Variants in CUBN observed in about 807,000 individuals in gnomAD.
CUBN encodes 460 kDa receptor.
Under a neutral mutation model 405.3 loss-of-function variants are expected in CUBN, and 282 were observed. That is an observed-to-expected ratio of 0.70 (90% CI 0.63 to 0.77). CUBN has a LOEUF of 0.77. CUBN is among the 30% of genes least tolerant of loss of function. The pLI is 0.00. For missense variants in CUBN, 4,514 were observed against 4,475.2 expected (o/e 1.01, Z -0.25); for synonymous variants, 1,684 against 1,617.0 (o/e 1.04, Z -0.99).
At chr10:16,950,778 T>C (rs1456216314) in intron 33 of CUBN, among the ~76,000 whole-genome samples, 4 of 152,200 alleles carry the variant, frequency 2.6e-5, no homozygotes, top group Admixed American at 6.5e-5. Context: ...TAAGGGAATA[T>C]CTTGTTGGAA....
At chr10:16,825,628 A>AGT (rs377156071) in intron 66 of CUBN, among the ~76,000 whole-genome samples, 38,091 of 135,642 alleles carry the variant, frequency 0.28, 5,590 homozygotes, top group Middle Eastern at 0.4. Context: ...TCTGTGGAAC[A>AGT]GTGTGTGTGT....
chr10:17,001,827 TGGTACACA>T (rs1833895996), intron 28 of CUBN, among the ~76,000 whole-genome samples: 1 of 152,218 alleles, frequency 6.6e-6, no homozygotes, highest in African/African-American at 2.4e-5. Flanking sequence ...TTCATTATTT[TGGTACACA>T]GGGTCAAAAT....
intron 36 of CUBN, among the ~76,000 whole-genome samples, chr10:16,946,736 T>G (rs1842795938): frequency 6.6e-6 from 1 of 152,110 alleles, no homozygotes; most frequent in Non-Finnish European, 1.5e-5. Context: ...TCTCAAGTGA[T>G]CCACCCGCCT....
chr10:16,917,479 A>C (rs1444173070), intron 45 of CUBN, among the ~76,000 whole-genome samples: 1 of 152,186 alleles, frequency 6.6e-6, no homozygotes, highest in Non-Finnish European at 1.5e-5. Flanking sequence ...TACTGTTAGA[A>C]AAGTTATGTA....
chr10:16,974,558 A>G (rs1833036554), intron 31 of CUBN, among the ~76,000 whole-genome samples: 1 of 151,852 alleles, frequency 6.6e-6, no homozygotes, highest in Non-Finnish European at 1.5e-5. Context: ...TTTTTAGTAG[A>G]GACGGGGTTT....
At chr10:16,948,758 G>C in intron 34 of CUBN, 152 bp from the exon 35 acceptor site, 1 of 880,252 alleles carries the variant, frequency 1.1e-6, no homozygotes, top group Non-Finnish European at 1.8e-6. Context: ...GTCAATGTTT[G>C]AGACAATACC....
Position 17,010,478 on chromosome 10 carries a change from T to TA in CUBN, c.4168+9354dup, listed in dbSNP as rs1375525067. 9.7e-3 allele frequency among the ~76,000 whole-genome samples: 1,351 copies of TA among 139,036 alleles called. 16 individuals are homozygous for TA. The highest frequency in any genetic ancestry group is 0.024 in the Admixed American group (326 of 13,862). 91.2% of individuals were successfully genotyped at this position (139,036 alleles called of 152,430 possible). On this transcript the variant is annotated intron_variant, in intron 28 of 66. Coordinates refer to ENST00000377833, the MANE Select transcript of CUBN (RefSeq NM_001081.4). Reference sequence around the variant, plus strand: ...CAACATAGCAAGACCTCAACTCTACTAAAAAAAAAAAAATGCCAGGTGCAG... The same window carrying TA: ...CAACATAGCAAGACCTCAACTCTACTAAAAAAAAAAAAAATGCCAGGTGCAG...
chr10:16,974,436 T>G (rs1452445043), intron 31 of CUBN, among the ~76,000 whole-genome samples: 2 of 152,180 alleles, frequency 1.3e-5, no homozygotes, highest in African/African-American at 4.8e-5. Flanking sequence ...ACTCTTTTTT[T>G]TTTTTGAGAG....
At chr10:17,068,823 G>T in intron 19 of CUBN, 53 bp from the exon 20 acceptor site, 1 of 1,308,920 alleles carries the variant, frequency 7.6e-7, no homozygotes, top group Non-Finnish European at 1.1e-6. Context: ...TTTGAAAACT[G>T]CTTCAAGAAT....
At chr10:17,128,034 A>C in intron 2 of CUBN, 110 bp from the exon 3 acceptor site, 1 of 728,574 alleles carries the variant, frequency 1.4e-6, no homozygotes, top group Admixed American at 2.6e-5. Context: ...AAGCACTAAG[A>C]TCTTGCCTAT....
intron 54 of CUBN, among the ~76,000 whole-genome samples, chr10:16,894,010 T>C (rs1165788768): frequency 6.6e-6 from 1 of 152,184 alleles, no homozygotes; most frequent in Non-Finnish European, 1.5e-5. Context: ...TTCTGGTATT[T>C]ATCATCTGTA....
chr10:17,128,671 T>G (rs1837255257), intron 2 of CUBN, among the ~76,000 whole-genome samples: 1 of 152,160 alleles, frequency 6.6e-6, no homozygotes, highest in Non-Finnish European at 1.5e-5. Context: ...TACCCACTAT[T>G]AACCCCAGGC....
intron 56 of CUBN, among the ~76,000 whole-genome samples, chr10:16,881,230 C>T (rs1297195306): frequency 2.0e-5 from 3 of 152,144 alleles, no homozygotes; most frequent in Admixed American, 1.3e-4. Context: ...GGCTGCTATG[C>T]ATGTGTTAGG....
intron 33 of CUBN, among the ~76,000 whole-genome samples, chr10:16,951,452 T>C (rs1842919235): frequency 6.6e-6 from 1 of 152,214 alleles, no homozygotes; most frequent in African/African-American, 2.4e-5. Context: ...TTAATTACTG[T>C]GCAGAGTGAA....
chr10:17,129,348 C>T (rs1588663064), intron 1 of CUBN, 98 bp from the exon 2 acceptor site: 5 of 1,365,158 alleles, frequency 3.7e-6, no homozygotes, highest in South Asian at 3.6e-5. Context: ...AGGCCAAATA[C>T]ATCTTCACTT....
intron 31 of CUBN, among the ~76,000 whole-genome samples, chr10:16,974,737 G>T (rs550808566): frequency 6.6e-6 from 1 of 152,010 alleles, no homozygotes. Context: ...ATTTTCTTCC[G>T]TCTCTGCCAC....
At position 16,944,791 on chromosome 10, in the gene CUBN, T is replaced by A. The variant is rs530806028; in HGVS notation, c.5342+2444A>T. 1.8e-4 allele frequency among the ~76,000 whole-genome samples: 28 copies of A among 152,346 alleles called. 1 individual carries two copies. The South Asian group carries it at 5.8e-3, about 32-fold the overall frequency. On this transcript the variant is annotated intron_variant, in intron 36 of 66. Coordinates refer to ENST00000377833, the MANE Select transcript of CUBN (RefSeq NM_001081.4). ...AAGCACTGAAATAGATGAAACTTGCTTTCTGTGTGTGTAATCTCCCATCCT... is the reference window on the plus strand; with the variant it reads ...AAGCACTGAAATAGATGAAACTTGCATTCTGTGTGTGTAATCTCCCATCCT...
intron 26 of CUBN, among the ~76,000 whole-genome samples, chr10:17,043,608 A>T (rs1490463636): frequency 6.6e-6 from 1 of 152,166 alleles, no homozygotes; most frequent in Non-Finnish European, 1.5e-5. Flanking sequence ...TTCTCCCTCA[A>T]ATGGAGTTAA....
Position 16,949,464 on chromosome 10 carries a change from T to TGTGTGTGTGTGTG in CUBN, c.5080+536_5080+537insCACACACACACAC, listed in dbSNP as rs1554798711. Among the ~76,000 whole-genome samples, 399 of 71,676 alleles carry TGTGTGTGTGTGTG rather than the reference T, an allele frequency of 5.6e-3. 6 individuals carry two copies. The highest frequency in any genetic ancestry group is 0.019 in the South Asian group (38 of 2,042). The allele number at this position is 71,676 out of a possible 152,430, so 47.0% of individuals were successfully genotyped here. ...GTGTGTGTGTGTGTGTGTGTGTGTGTAGTGTGTGTGTGTTTGTTTGTTTTG... is the reference window on the plus strand; with the variant it reads ...GTGTGTGTGTGTGTGTGTGTGTGTGTGTGTGTGTGTGTGAGTGTGTGTGTGTTTGTTTGTTTTG... On this transcript the variant is annotated intron_variant, in intron 34 of 66. Transcript: ENST00000377833.
Sources: gnomAD v4.1 joint callset for allele counts (sites outside exome capture counted in the v4.1 genomes callset) on GRCh38, gnomAD v4.1.1 for gene constraint, MANE v1.5 for transcripts, NCBI Gene and HGNC (gene_info 2026-07-23, HGNC 2026-07-21) for gene names.